CDC14A: variants seen among roughly 807,000 people sequenced by gnomAD.
CDC14A encodes cell division cycle 14A.
Under a neutral mutation model 74.4 loss-of-function variants are expected in CDC14A, and 53 were observed. The ratio of observed to expected loss-of-function variants is 0.71; its 90% CI spans 0.57 to 0.89. CDC14A has a LOEUF of 0.89. Ranked by LOEUF, CDC14A falls within the 40% of genes least tolerant of loss-of-function variation. The probability of loss-of-function intolerance (pLI) is 0.00; values close to 1 mark genes in which losing one functional copy is unlikely to be tolerated. For synonymous variants in CDC14A, 247 were observed against 258.4 expected (o/e 0.96, Z 0.43); for missense variants, 646 against 713.7 (o/e 0.91, Z 1.08).
intron 10 of CDC14A, among the ~76,000 whole-genome samples, chr1:100,478,099 T>C (rs1487903468): frequency 6.6e-6 from 1 of 152,204 alleles, no homozygotes; most frequent in Admixed American, 6.5e-5. Flanking sequence ...AAAACAACCA[T>C]CAGGTGTTTT....
At chr1:100,427,855 G>C (rs1490236054) in intron 5 of CDC14A, among the ~76,000 whole-genome samples, 2 of 152,106 alleles carry the variant, frequency 1.3e-5, no homozygotes, top group Non-Finnish European at 2.9e-5. Context: ...TTAGGAGAGA[G>C]GTGTTATGGG....
chr1:100,415,367 C>T (rs1465616883), intron 4 of CDC14A, among the ~76,000 whole-genome samples: 2 of 152,078 alleles, frequency 1.3e-5, no homozygotes, highest in African/African-American at 4.8e-5. Context: ...GCAAACAGCA[C>T]CTCAAACAAA....
At chr1:100,499,692 G>A (rs967789208) in intron 15 of CDC14A, among the ~76,000 whole-genome samples, 1 of 152,084 alleles carries the variant, frequency 6.6e-6, no homozygotes, top group African/African-American at 2.4e-5. Flanking sequence ...GGCTTTTTCC[G>A]CATCATATAT....
chr1:100,350,829 G>A (rs1247330382), upstream of CDC14A, among the ~76,000 whole-genome samples: 1 of 152,218 alleles, frequency 6.6e-6, no homozygotes, highest in Non-Finnish European at 1.5e-5. Flanking sequence ...AAGTGGGCAA[G>A]TTTATCGAGA....
At chr1:100,397,735 A>G (rs1013173000) in intron 4 of CDC14A, among the ~76,000 whole-genome samples, 3 of 152,192 alleles carry the variant, frequency 2.0e-5, no homozygotes, top group African/African-American at 7.2e-5. Context: ...GGTGGTAGCC[A>G]CATTATATAC....
At chr1:100,440,697 TATA>T (rs1285195625) in intron 6 of CDC14A, among the ~76,000 whole-genome samples, 2 of 152,186 alleles carry the variant, frequency 1.3e-5, no homozygotes, top group African/African-American at 2.4e-5. Flanking sequence ...ATAGGACATA[TATA>T]ATAATGTCAC....
intron 8 of CDC14A, 197 bp from the exon 9 acceptor site, chr1:100,462,454 C>CT: frequency 1.8e-6 from 1 of 566,024 alleles, no homozygotes. Flanking sequence ...CAGAAGTTTT[C>CT]TTTTTAACCT....
chr1:100,377,551 A>T lies in CDC14A; in HGVS notation c.146A>T (p.Tyr49Phe). The change falls in exon 3 of 16, where the codon TAT becomes TTT. Residue 49 changes from tyrosine to phenylalanine, a missense_variant. Physicochemically the swap from Tyr to Phe is conservative, Grantham distance 22. Transcript: ENST00000336454. ...IDEELVYENF[Y>F]ADFGPLNLAM... ...TTGTTTTTCTTGTATCTTAGTTTCT[A>T]TGCAGATTTTGGACCGCTGAACTTG... 1.2e-6 allele frequency: 2 copies of T among 1,611,788 alleles called. No homozygotes were observed. Among genetic ancestry groups the T allele is most frequent in the Non-Finnish European group, 1.7e-6 (2 of 1,178,626 alleles).
chr1:100,346,194 AAAC>A (rs1356777433), intron 1 of CDC14A, among the ~76,000 whole-genome samples: 1 of 152,070 alleles, frequency 6.6e-6, no homozygotes, highest in East Asian at 1.9e-4. Flanking sequence ...AAACAAAACA[AAAC>A]AAAAAAAACC....
At chr1:100,373,561 A>G (rs1365527105) in intron 2 of CDC14A, among the ~76,000 whole-genome samples, 1 of 152,212 alleles carries the variant, frequency 6.6e-6, no homozygotes, top group Middle Eastern at 3.2e-3. Context: ...AAAAAAATGC[A>G]CTATCTGTGA....
At chr1:100,353,651 C>T in intron 1 of CDC14A, 111 bp from the exon 2 acceptor site, 1 of 636,908 alleles carries the variant, frequency 1.6e-6, no homozygotes, top group Non-Finnish European at 2.8e-6. Context: ...GCAAGAATTC[C>T]ACGTGTTAAT....
Position 100,424,222 on chromosome 1 carries a change from G to A in CDC14A, c.310G>A (p.Val104Ile). Residue 104 changes from valine (V) to isoleucine (I), a missense_variant and splice_region_variant, in exon 5 of 16, where the codon GTA becomes ATA. Transcript: ENST00000336454. ...NAAFLIGAYAVIYLKKTPEEA... is the reference protein window; with the variant it reads ...NAAFLIGAYAIIYLKKTPEEA... Reference sequence around the variant, plus strand: ...AAATGTTACTATTTATCTGTCTTAGGTAATCTATTTAAAGAAGACACCAGA... The same window carrying A: ...AAATGTTACTATTTATCTGTCTTAGATAATCTATTTAAAGAAGACACCAGA... The A allele has an allele frequency of 6.2e-7, 1 of 1,606,366 alleles. No individual in the cohort carries two copies. The highest frequency in any genetic ancestry group is 8.5e-7 in the Non-Finnish European group (1 of 1,173,118).
intron 15 of CDC14A, among the ~76,000 whole-genome samples, chr1:100,514,436 AT>A (rs1173466637): frequency 5.9e-5 from 9 of 152,178 alleles, no homozygotes; most frequent in Non-Finnish European, 8.8e-5. Context: ...TTTTTTAATA[AT>A]TTTTTTTATT....
chr1:100,421,737 T>C (rs1216643551), intron 4 of CDC14A, among the ~76,000 whole-genome samples: 1 of 152,168 alleles, frequency 6.6e-6, no homozygotes, highest in Non-Finnish European at 1.5e-5. Flanking sequence ...CAGCCCACTG[T>C]TCGAATTCTG....
At chr1:100,507,596 G>A (rs549807331) in intron 15 of CDC14A, among the ~76,000 whole-genome samples, 7 of 148,640 alleles carry the variant, frequency 4.7e-5, no homozygotes, top group Middle Eastern at 4.1e-3. Flanking sequence ...CACCACACCC[G>A]GCTCCACTAT....
intron 15 of CDC14A, among the ~76,000 whole-genome samples, chr1:100,510,308 A>C (rs1483852874): frequency 6.6e-6 from 1 of 152,204 alleles, no homozygotes; most frequent in East Asian, 1.9e-4. Context: ...TTAACCTGCT[A>C]TTTACAGATG....
chr1:100,361,141 A>C (rs1167151327), intron 2 of CDC14A, among the ~76,000 whole-genome samples: 1 of 152,190 alleles, frequency 6.6e-6, no homozygotes. Context: ...AAAAAAACTA[A>C]AAACTAAAAC....
At chr1:100,496,450 T>C (rs1647842659) in intron 13 of CDC14A, among the ~76,000 whole-genome samples, 1 of 152,178 alleles carries the variant, frequency 6.6e-6, no homozygotes, top group South Asian at 2.1e-4. Context: ...CCTCCTTTAT[T>C]TTCTAGTCTT....
intron 3 of CDC14A, among the ~76,000 whole-genome samples, chr1:100,383,235 C>G (rs1656397854): frequency 6.6e-6 from 1 of 152,134 alleles, no homozygotes; most frequent in African/African-American, 2.4e-5. Context: ...TAGAGAATCC[C>G]ACGTGCCTTC....
Sources: allele counts gnomAD v4.1 joint callset (sites outside exome capture counted in the v4.1 genomes callset), GRCh38; gene constraint gnomAD v4.1.1; transcripts MANE v1.5; gene names NCBI Gene and HGNC (gene_info 2026-07-23, HGNC 2026-07-21).